The following DNAJC13 variants were observed in gnomAD, a reference collection of about 807,000 sequenced individuals.
The protein encoded by DNAJC13 is dnaJ homolog subfamily C member 13.
Under a neutral mutation model 290.5 loss-of-function variants are expected in DNAJC13, and 75 were observed. The observed-to-expected ratio is 0.26, with a 90% confidence interval of 0.21 to 0.31. The LOEUF is 0.31. DNAJC13 is among the 10% of genes least tolerant of loss of function. DNAJC13 has a pLI of 1.00. For missense variants in DNAJC13, 2,260 were observed against 2,674.5 expected (o/e 0.85, Z 3.42); for synonymous variants, 862 against 892.0 (o/e 0.97, Z 0.60).
chr3:132,516,577 A>T (rs1291801402), intron 47 of DNAJC13, 81 bp downstream of exon 47: 2 of 1,545,478 alleles, frequency 1.3e-6, no homozygotes, highest in Non-Finnish European at 1.8e-6. Context: ...AGCCTGATAA[A>T]CTAGAAGAAT....
chr3:132,502,263 T>G, intron 39 of DNAJC13, 26 bp from the exon 40 acceptor site: 1 of 1,470,680 alleles, frequency 6.8e-7, no homozygotes, highest in Non-Finnish European at 9.3e-7. Flanking sequence ...CTGTAACAAC[T>G]AATGCTCTCA....
chr3:132,427,119 G>GTGTATA (rs1553741424), intron 1 of DNAJC13, among the ~76,000 whole-genome samples: 3 of 120,914 alleles, frequency 2.5e-5, no homozygotes, highest in African/African-American at 7.5e-5. Context: ...GTGTGTGTGT[G>GTGTATA]TATATATATA....
intron 25 of DNAJC13, 34 bp downstream of exon 25, chr3:132,479,323 C>T (rs886793763): frequency 1.4e-6 from 2 of 1,382,548 alleles, no homozygotes; most frequent in Non-Finnish European, 1.0e-6. Context: ...ATTGTTATTT[C>T]CAAGTCATAT....
chr3:132,467,397 T>C (rs1934032583), intron 20 of DNAJC13, 84 bp downstream of exon 20: 2 of 1,379,324 alleles, frequency 1.4e-6, no homozygotes, highest in Admixed American at 4.4e-5. Context: ...AGAGATGGTA[T>C]CGATACATTT....
intron 2 of DNAJC13, among the ~76,000 whole-genome samples, chr3:132,441,286 G>T (rs1408964148): frequency 1.3e-5 from 2 of 152,172 alleles, no homozygotes; most frequent in Non-Finnish European, 2.9e-5. Flanking sequence ...TACTTCTAGG[G>T]AACAGTTGTC....
rs888097882 is a variant in DNAJC13 at position 132,467,420 on chromosome 3, C to G, written c.2208+107C>G. ...TATCGATACATTTCTTGCTGAATAC[C>G]TGAAGCTTAAAAATGAATGGTACCT... is the stretch of plus-strand genomic sequence containing the variant. On this transcript the variant is annotated intron_variant, in intron 20 of 55. Coordinates refer to ENST00000260818, the MANE Select transcript of DNAJC13 (RefSeq NM_015268.4). The G allele has an allele frequency of 3.7e-6, 4 of 1,095,174 alleles. No individual in the cohort carries two copies. In the African/African-American group the frequency reaches 6.4e-5, roughly 18 times the overall value. The allele number at this position is 1,095,174 out of a possible 1,614,324, so 67.8% of individuals were successfully genotyped here. A position where few individuals can be genotyped will look rare whatever the true frequency, so the allele number is the denominator to read the frequency against.
chr3:132,503,523 T>C, intron 41 of DNAJC13, 142 bp downstream of exon 41: 1 of 1,012,778 alleles, frequency 9.9e-7, no homozygotes, highest in Non-Finnish European at 1.4e-6. Context: ...AAATTCACTT[T>C]ATAATGGATT....
chr3:132,456,077 T>A (rs1933589561), intron 9 of DNAJC13, among the ~76,000 whole-genome samples, 158 bp from the exon 10 acceptor site: 1 of 152,204 alleles, frequency 6.6e-6, no homozygotes, highest in Non-Finnish European at 1.5e-5. Flanking sequence ...AGAGCTAGTA[T>A]TAGAGCTCTT....
chr3:132,528,357 T>C (rs1211269290), intron 54 of DNAJC13, 25 bp downstream of exon 54: 3 of 1,611,980 alleles, frequency 1.9e-6, no homozygotes, highest in Admixed American at 3.3e-5. Flanking sequence ...AGTCAACTTT[T>C]GATATTCTAA....
Position 132,523,692 on chromosome 3 carries a change from C to G in DNAJC13, c.6039C>G (p.Leu2013=), listed in dbSNP as rs1342370169. The change falls in exon 51 of 56, where the codon CTC becomes CTG. Residue 2013 remains leucine, a synonymous_variant. Coordinates refer to ENST00000260818, the MANE Select transcript of DNAJC13 (RefSeq NM_015268.4). ...CCCTGTTAGAAAAATTAACTGAGCT[C>G]CTAGAGAAGAACAATCCTCATGTAA... ...LIALLEKLTE[L]LEKNNPHGET... 13 of 1,613,566 alleles carry G rather than the reference C, an allele frequency of 8.1e-6. No homozygotes were observed. The highest frequency in any genetic ancestry group is 1.3e-5 in the African/African-American group (1 of 74,880).
At chr3:132,493,524 T>C (rs912908172) in intron 33 of DNAJC13, among the ~76,000 whole-genome samples, 1 of 152,170 alleles carries the variant, frequency 6.6e-6, no homozygotes. Context: ...TCAGTGTTTT[T>C]ATTTATTGAT....
At chr3:132,530,376 T>A (rs1936383234) in intron 54 of DNAJC13, among the ~76,000 whole-genome samples, 1 of 152,236 alleles carries the variant, frequency 6.6e-6, no homozygotes, top group African/African-American at 2.4e-5. Flanking sequence ...TTCCTAAATG[T>A]TTTGTCACAC....
chr3:132,501,511 T>C (rs1935412981), intron 39 of DNAJC13, among the ~76,000 whole-genome samples: 2 of 151,702 alleles, frequency 1.3e-5, no homozygotes, highest in African/African-American at 2.4e-5. Context: ...AGATATATGC[T>C]TCAGAGGTAG....
Position 132,457,364 on chromosome 3 carries a change from T to A in DNAJC13, c.1445T>A (p.Met482Lys), listed in dbSNP as rs1323335171. The change falls in exon 13 of 56, where the codon ATG (methionine) becomes AAG (lysine). Residue 482 changes from methionine (M) to lysine (K), a missense_variant. This residue lies in a region of DNAJC13 where 762 missense variants were observed against 964.1 expected (regional missense o/e 0.79). Coordinates refer to ENST00000260818, the MANE Select transcript of DNAJC13 (RefSeq NM_015268.4). The stretch of plus-strand genomic sequence containing the variant: ...GCAGTTGATATGCTTTGTGCCCTTA[T>A]GTGTGTAAGTAGTAGTTTTCTTAAG... ...HAAVDMLCAL[M>K]CPMHDDYDLR... 1.2e-6 allele frequency: 2 copies of A among 1,610,892 alleles called. No homozygotes were observed. Among genetic ancestry groups the A allele is most frequent in the African/African-American group, 1.3e-5 (1 of 74,892 alleles).
intron 55 of DNAJC13, chr3:132,537,082 A>G (rs1576530947): frequency 1.5e-5 from 7 of 455,534 alleles, no homozygotes; most frequent in South Asian, 7.7e-5. Context: ...CCCTGTTTCT[A>G]CCTTCATCAA....
intron 36 of DNAJC13, among the ~76,000 whole-genome samples, chr3:132,497,672 C>G (rs1457159373): frequency 6.6e-6 from 1 of 152,178 alleles, no homozygotes; most frequent in Non-Finnish European, 1.5e-5. Flanking sequence ...CCTTGGTTGT[C>G]TTTTAATGCT....
chr3:132,460,436 ATT>A (rs768972863), intron 14 of DNAJC13, 79 bp downstream of exon 14: 9,937 of 733,624 alleles, frequency 0.014, no homozygotes, highest in South Asian at 0.017. Context: ...CACGTGGATG[ATT>A]TTTTTTTTTT....
chr3:132,521,066 A>AC (rs1936074732), intron 48 of DNAJC13, among the ~76,000 whole-genome samples: 1 of 152,132 alleles, frequency 6.6e-6, no homozygotes, highest in Non-Finnish European at 1.5e-5. Flanking sequence ...TTCTTATGAG[A>AC]CAGCTAAGTA....
At chr3:132,428,079 G>C (rs1420117510) in intron 1 of DNAJC13, among the ~76,000 whole-genome samples, 4 of 152,194 alleles carry the variant, frequency 2.6e-5, no homozygotes, top group African/African-American at 9.7e-5. Context: ...AGGTATTCCA[G>C]GGTCTTCCCA....
Sources: gnomAD v4.1 joint callset for allele counts (sites outside exome capture counted in the v4.1 genomes callset) on GRCh38, gnomAD v4.1.1 for gene constraint, gnomAD v4.1.1 regional missense constraint, MANE v1.5 for transcripts, NCBI Gene and HGNC (gene_info 2026-07-23, HGNC 2026-07-21) for gene names.